Variants in DPYD observed in about 807,000 individuals in gnomAD.
The protein encoded by DPYD is dihydropyrimidine dehydrogenase.
Under a neutral mutation model 116.2 loss-of-function variants are expected in DPYD, and 109 were observed. The ratio of observed to expected loss-of-function variants is 0.94; its 90% confidence interval spans 0.80 to 1.10. DPYD has a LOEUF of 1.10. Among genes scored for constraint, DPYD ranks in the 50% least tolerant of loss-of-function variants. The pLI is 0.00. For missense variants in DPYD, 1,302 were observed against 1,254.5 expected (o/e 1.04, Z -0.57); for synonymous variants, 440 against 432.0 (o/e 1.02, Z -0.23).
chr1:97,335,185 G>A (rs1367762029), intron 16 of DPYD, among the ~76,000 whole-genome samples: 1 of 152,058 alleles, frequency 6.6e-6, no homozygotes, highest in Non-Finnish European at 1.5e-5. Context: ...GGGAAGCAGA[G>A]CCTCCCCTCT....
chr1:97,833,560 C>G (rs1005585943), intron 2 of DPYD, among the ~76,000 whole-genome samples: 1 of 152,116 alleles, frequency 6.6e-6, no homozygotes, highest in African/African-American at 2.4e-5. Flanking sequence ...TGTCTACAGG[C>G]TAAGTCCTTA....
At chr1:97,101,636 T>C (rs1232355335) in intron 20 of DPYD, among the ~76,000 whole-genome samples, 1 of 152,056 alleles carries the variant, frequency 6.6e-6, no homozygotes, top group Non-Finnish European at 1.5e-5. Context: ...ATATAGTTAA[T>C]TGATTTCCTA....
At chr1:97,158,418 C>T (rs1327568833) in intron 20 of DPYD, among the ~76,000 whole-genome samples, 1 of 146,628 alleles carries the variant, frequency 6.8e-6, no homozygotes, top group Admixed American at 6.9e-5. Context: ...AAGATTTCAA[C>T]TTCTGGTAAT....
intron 16 of DPYD, among the ~76,000 whole-genome samples, chr1:97,333,413 T>A: frequency 6.6e-6 from 1 of 151,960 alleles, no homozygotes; most frequent in East Asian, 1.9e-4. Context: ...TTGGCCAGGA[T>A]GGTCTTGATC....
At chr1:97,306,767 T>C (rs903526925) in intron 16 of DPYD, among the ~76,000 whole-genome samples, 2 of 151,952 alleles carry the variant, frequency 1.3e-5, no homozygotes, top group Non-Finnish European at 2.9e-5. Context: ...TTGATGTGTA[T>C]TCAAAATAAA....
intron 20 of DPYD, 62 bp from the exon 21 acceptor site, chr1:97,098,694 T>C: frequency 1.3e-6 from 2 of 1,551,380 alleles, no homozygotes; most frequent in South Asian, 1.1e-5. Flanking sequence ...AATGGGAAGA[T>C]ATAAACATAT....
intron 2 of DPYD, among the ~76,000 whole-genome samples, chr1:97,860,119 G>C (rs148306776): frequency 6.6e-6 from 1 of 152,034 alleles, no homozygotes; most frequent in Non-Finnish European, 1.5e-5. Flanking sequence ...AAGGCAGGCC[G>C]ATCACTTGAG....
chr1:97,368,642 G>A (rs1476257565), intron 16 of DPYD, among the ~76,000 whole-genome samples: 1 of 152,146 alleles, frequency 6.6e-6, no homozygotes. Flanking sequence ...AGGTACTGCT[G>A]GCCAAAGAAG....
rs535987324 is a variant in DPYD, at chr1:97,219,897, CAT to C, written c.2442+14953_2442+14954del. Among the ~76,000 whole-genome samples, 147 of 152,290 alleles carry C rather than the reference CAT, an allele frequency of 9.7e-4. 1 individual carries two copies. Among genetic ancestry groups the C allele is most frequent in the African/African-American group, 3.4e-3 (143 of 41,560 alleles). ...TCATCTCTGCCTATGTCTTTCTCTT[CAT>C]TTCCTATCATTCTCACCTCTGTTCA... On this transcript the variant is annotated intron_variant, in intron 19 of 22. Coordinates refer to ENST00000370192, the MANE Select transcript of DPYD (RefSeq NM_000110.4).
intron 19 of DPYD, among the ~76,000 whole-genome samples, chr1:97,211,670 T>C (rs947669936): frequency 6.6e-6 from 1 of 152,160 alleles, no homozygotes; most frequent in Non-Finnish European, 1.5e-5. Flanking sequence ...GTATGATTAG[T>C]GCTTATTTGT....
At chr1:97,316,909 G>A (rs1177831710) in intron 16 of DPYD, among the ~76,000 whole-genome samples, 1 of 151,362 alleles carries the variant, frequency 6.6e-6, no homozygotes, top group Non-Finnish European at 1.5e-5. Flanking sequence ...ATATTCCCAG[G>A]TCTATTTCCC....
intron 16 of DPYD, among the ~76,000 whole-genome samples, chr1:97,356,513 T>A (rs751540060): frequency 6.6e-6 from 1 of 152,238 alleles, no homozygotes; most frequent in Non-Finnish European, 1.5e-5. Context: ...TATTTGCTGT[T>A]CTGCAGCCTC....
At chr1:97,389,882 T>A (rs1395068127) in intron 14 of DPYD, among the ~76,000 whole-genome samples, 1 of 147,444 alleles carries the variant, frequency 6.8e-6, no homozygotes, top group Non-Finnish European at 1.5e-5. Flanking sequence ...AAAAAAGTAG[T>A]GCTATATGGC....
chr1:97,905,369 A>G (rs748168091), intron 1 of DPYD, among the ~76,000 whole-genome samples: 48 of 152,158 alleles, frequency 3.2e-4, no homozygotes, highest in Non-Finnish European at 6.0e-4. Context: ...TTATCATTAT[A>G]AAGTAGAAAT....
chr1:97,481,926 A>G (rs1195680780), intron 13 of DPYD, among the ~76,000 whole-genome samples: 1 of 152,158 alleles, frequency 6.6e-6, no homozygotes, highest in Non-Finnish European at 1.5e-5. Flanking sequence ...ACATACAAAC[A>G]TTTCTAGAGA....
rs376295499 is a variant in DPYD, at chr1:97,283,956, C to T, written c.2299+21303G>A. On this transcript the variant is annotated intron_variant, in intron 18 of 22. Transcript: ENST00000370192. ...TTTATAAAATGATTCTTTGTGAAAGCTGCCTAACTCAGAGCCTGGTACACA... is the reference window on the plus strand; with the variant it reads ...TTTATAAAATGATTCTTTGTGAAAGTTGCCTAACTCAGAGCCTGGTACACA... Among the ~76,000 whole-genome samples, 34 of 152,190 alleles carry T rather than the reference C, an allele frequency of 2.2e-4. No homozygotes were observed. The Middle Eastern group carries it at 0.01, about 46-fold the overall frequency.
Position 97,213,512 on chromosome 1 carries a change from A to G in DPYD, c.2443-20264T>C, listed in dbSNP as rs1660181752. Among the ~76,000 whole-genome samples, 4 of 152,328 alleles carry G rather than the reference A, an allele frequency of 2.6e-5. No individual in the cohort carries two copies. In the South Asian group the frequency reaches 8.3e-4, roughly 32 times the overall value. On this transcript the variant is annotated intron_variant, in intron 19 of 22. Transcript: ENST00000370192. ...ATGGTTATCACAATGTCCAGGCACT[A>G]GAATGCTAGGTACTGTGAAAATCAA...
intron 14 of DPYD, among the ~76,000 whole-genome samples, chr1:97,393,770 A>G (rs1260034717): frequency 1.3e-5 from 2 of 152,110 alleles, no homozygotes; most frequent in Non-Finnish European, 2.9e-5. Flanking sequence ...ATGTGTCTTT[A>G]TAGCAGCATG....
intron 20 of DPYD, among the ~76,000 whole-genome samples, chr1:97,117,186 C>G (rs61119876): frequency 3.3e-5 from 5 of 151,960 alleles, no homozygotes; most frequent in African/African-American, 1.2e-4. Flanking sequence ...CTCCAGACCC[C>G]TGGAATAAAA....
Sources: gnomAD v4.1 joint callset for allele counts (sites outside exome capture counted in the v4.1 genomes callset) on GRCh38, gnomAD v4.1.1 for gene constraint, MANE v1.5 for transcripts, NCBI Gene and HGNC (gene_info 2026-07-23, HGNC 2026-07-21) for gene names.